The following EPB42 variants were observed in gnomAD, a reference collection of about 807,000 sequenced individuals.
EPB42 encodes the protein protein 4.2.
Under a neutral mutation model 76.9 loss-of-function variants are expected in EPB42, and 49 were observed. That is an observed-to-expected ratio of 0.64 (90% CI 0.51 to 0.81). EPB42 has a LOEUF of 0.81. EPB42 is among the 30% of genes least tolerant of loss of function. The pLI is 0.00. For missense variants in EPB42, 731 were observed against 867.6 expected, an observed-to-expected ratio of 0.84 and a Z score of 1.98; for synonymous variants, 310 against 338.4, an observed-to-expected ratio of 0.92 and a Z score of 0.92.
upstream of EPB42, among the ~76,000 whole-genome samples, chr15:43,225,546 G>T (rs910553067): frequency 3.3e-5 from 5 of 152,174 alleles, no homozygotes; most frequent in South Asian, 4.1e-4. Flanking sequence ...ACTTTCTGAG[G>T]TACCGTTAGG....
At position 43,206,295 on chromosome 15, in the gene EPB42, G is replaced by A. The variant is rs769368289; in HGVS notation, c.1618+35C>T. Reference sequence around the variant, plus strand: ...AGGCAGGGGCCATGTGTGTGTGTGTGTCGGGGGGTGTCTGGTGGGGCCATA... The same window carrying A: ...AGGCAGGGGCCATGTGTGTGTGTGTATCGGGGGGTGTCTGGTGGGGCCATA... On this transcript the variant is annotated intron_variant, in intron 10 of 12. Transcript: ENST00000441366. This position sits in a 1 kb window ranked among gnomAD's most constrained non-coding sequence, Gnocchi z 4.7. 2.5e-6 allele frequency: 4 copies of A among 1,574,760 alleles called. No homozygotes were observed. In the African/African-American group the frequency reaches 4.0e-5, roughly 16 times the overall value.
At chr15:43,221,034 G>A (rs1387247913), upstream of EPB42, 6 of 599,760 alleles carry the variant, frequency 1.0e-5, no homozygotes, top group East Asian at 3.0e-5. Flanking sequence ...CTCTCTGCTG[G>A]TATCTCCTGG....
In EPB42 at chr15:43,197,238, A is replaced by C; in HGVS notation, c.*64T>G. On this transcript the variant is annotated 3_prime_UTR_variant, in exon 13 of 13. Coordinates refer to ENST00000441366, the MANE Select transcript of EPB42 (RefSeq NM_001114134.2). Reference sequence around the variant, plus strand: ...ACTGAGACGCAAAGTTTCTCTTCCTAGCACATGTTTGGTTTAGATTGTAGA... The same window carrying C: ...ACTGAGACGCAAAGTTTCTCTTCCTCGCACATGTTTGGTTTAGATTGTAGA... The C allele has an allele frequency of 6.2e-7, 1 of 1,605,388 alleles. No homozygotes were observed. Among genetic ancestry groups the C allele is most frequent in the Non-Finnish European group, 8.5e-7 (1 of 1,172,878 alleles).
intron 8 of EPB42, 30 bp downstream of exon 8, chr15:43,208,200 C>A (rs370391500): frequency 7.5e-6 from 12 of 1,597,042 alleles, no homozygotes; most frequent in South Asian, 4.4e-5. Flanking sequence ...TGCAGCCCTG[C>A]GTGGTCCTGG....
rs775129311 is a variant in EPB42 at position 43,203,112 on chromosome 15, T to C, written c.1779+3A>G. 6.8e-6 allele frequency: 11 copies of C among 1,613,956 alleles called. No individual in the cohort carries two copies. Among genetic ancestry groups the C allele is most frequent in the Middle Eastern group, 1.6e-4 (1 of 6,068 alleles). ...GGCAACTCAGGGGAGGACTGGTGCC[T>C]ACCTTGATGGCAAGGTGTGGTCTAC... On this transcript the variant is annotated splice_donor_region_variant and intron_variant, in intron 11 of 12. Coordinates refer to ENST00000441366, the MANE Select transcript of EPB42 (RefSeq NM_001114134.2).
At position 43,197,436 on chromosome 15, in the gene EPB42, T is replaced by C. The variant is rs763741262; in HGVS notation, c.1942A>G (p.Met648Val). Residue 648 changes from methionine to valine, a missense_variant, in exon 13 of 13, where the codon ATG (methionine) becomes GTG (valine). Physicochemically the swap from Met to Val is conservative, Grantham distance 21. Coordinates refer to ENST00000441366, the MANE Select transcript of EPB42 (RefSeq NM_001114134.2). ...GGCGTGAACTGGAACTTGGCACACA[T>C]GGTGTTTTCAGGCCACACTGAACGG... ...RFRSVWPENTMCAKFQFTPTH... is the reference protein window; with the variant it reads ...RFRSVWPENTVCAKFQFTPTH... The C allele has an allele frequency of 1.2e-6, 2 of 1,614,014 alleles. No individual in the cohort carries two copies. The highest frequency in any genetic ancestry group is 1.3e-5 in the African/African-American group (1 of 74,908).
At chr15:43,205,590 G>C (rs966759609) in intron 10 of EPB42, among the ~76,000 whole-genome samples, 16 of 152,012 alleles carry the variant, frequency 1.1e-4, no homozygotes, top group Non-Finnish European at 1.0e-4. Flanking sequence ...AGTAGAGTCG[G>C]GGTTTCACCA....
At chr15:43,223,225 G>A (rs532770474), upstream of EPB42, among the ~76,000 whole-genome samples, 31 of 152,274 alleles carry the variant, frequency 2.0e-4, no homozygotes, top group Admixed American at 3.9e-4. Context: ...GCTGAGGCAG[G>A]AGAATAGCTT....
At chr15:43,221,841 AAAAAT>A (rs1346149429), upstream of EPB42, among the ~76,000 whole-genome samples, 8 of 151,746 alleles carry the variant, frequency 5.3e-5, no homozygotes, top group African/African-American at 1.9e-4. Flanking sequence ...AAAAAAAAAA[AAAAAT>A]GAAACTTCTG....
upstream of EPB42, among the ~76,000 whole-genome samples, chr15:43,222,874 C>A (rs1454465338): frequency 6.6e-6 from 1 of 152,062 alleles, no homozygotes; most frequent in African/African-American, 2.4e-5. Context: ...TTATTAAATT[C>A]TTAAAGTAAT....
At position 43,197,391 on chromosome 15, in the gene EPB42, T is replaced by C. The variant is rs781699165; in HGVS notation, c.1987A>G (p.Arg663Gly). 1 of 1,614,198 alleles carries C rather than the reference T, an allele frequency of 6.2e-7. No homozygotes were observed. Among genetic ancestry groups the C allele is most frequent in the South Asian group, 1.1e-5 (1 of 91,082 alleles). ...TTGCAGTCCACTTCCACAGTGAGTCTCTGGAGCCCCACATGTGTTGGCGTG... is the reference window on the plus strand; with the variant it reads ...TTGCAGTCCACTTCCACAGTGAGTCCCTGGAGCCCCACATGTGTTGGCGTG... Reference protein sequence around the residue: ...QFTPTHVGLQRLTVEVDCNMF... With the variant: ...QFTPTHVGLQGLTVEVDCNMF... Residue 663 changes from arginine to glycine, a missense_variant, in exon 13 of 13, where the codon AGA (arginine) becomes GGA (glycine). Physicochemically the swap from Arg to Gly is moderately radical, Grantham distance 125. Transcript: ENST00000441366.
intron 4 of EPB42, among the ~76,000 whole-genome samples, chr15:43,210,706 G>A (rs953320261): frequency 6.6e-6 from 1 of 152,082 alleles, no homozygotes; most frequent in African/African-American, 2.4e-5. Flanking sequence ...GTGAGCTCTC[G>A]GGGACCCGTG....
At chr15:43,203,982 A>G (rs1233315955) in intron 10 of EPB42, among the ~76,000 whole-genome samples, 1 of 152,180 alleles carries the variant, frequency 6.6e-6, no homozygotes, top group Non-Finnish European at 1.5e-5. Context: ...CAAGCATAGC[A>G]CTATCAATTT....
chr15:43,216,541 G>C, intron 1 of EPB42, 88 bp from the exon 2 acceptor site: 1 of 1,438,580 alleles, frequency 7.0e-7, no homozygotes, highest in African/African-American at 1.4e-5. Context: ...AGAGACCAGG[G>C]TTCTAATCCT....
Position 43,207,297 on chromosome 15 carries a change from G to T in EPB42, c.1220C>A (p.Thr407Asn), listed in dbSNP as rs886051166. 6.2e-7 allele frequency: 1 copy of T among 1,614,068 alleles called. No individual in the cohort carries two copies. The highest frequency in any genetic ancestry group is 1.7e-5 in the Admixed American group (1 of 60,000). The change falls in exon 9 of 13, where the codon ACT becomes AAT. Residue 407 changes from threonine (T) to asparagine (N), a missense_variant. Transcript: ENST00000441366. The part of the protein sequence containing the change: ...KCCEDGTLEL[T>N]DSNTKYVGNN... ...GCCAACATACTTTGTGTTGGAGTCAGTCAACTCCAGTGTCCCATCCTCACA... is the reference window on the plus strand; with the variant it reads ...GCCAACATACTTTGTGTTGGAGTCATTCAACTCCAGTGTCCCATCCTCACA...
chr15:43,197,898 T>G (rs1284671810), intron 12 of EPB42, among the ~76,000 whole-genome samples: 1 of 152,214 alleles, frequency 6.6e-6, no homozygotes, highest in Non-Finnish European at 1.5e-5. Flanking sequence ...TCCTGTGCTA[T>G]TCTCGTGATA....
chr15:43,219,742 C>T (rs543314374), intron 1 of EPB42, among the ~76,000 whole-genome samples: 6 of 152,202 alleles, frequency 3.9e-5, no homozygotes, highest in African/African-American at 1.4e-4. Flanking sequence ...GTCAAGAGAT[C>T]GAGACCATCC....
At chr15:43,208,818 C>T (rs779450688) in intron 6 of EPB42, 43 bp from the exon 7 acceptor site, 24 of 1,604,174 alleles carry the variant, frequency 1.5e-5, no homozygotes, top group South Asian at 3.3e-5. Flanking sequence ...CTTGAGAGAC[C>T]GGGCTGGGGG....
chr15:43,202,106 C>G (rs1440031144), intron 11 of EPB42, 129 bp from the exon 12 acceptor site: 4 of 1,256,914 alleles, frequency 3.2e-6, no homozygotes, highest in Non-Finnish European at 4.6e-6. Flanking sequence ...AACTTCACAG[C>G]TGATGTCTTC....
Sources: allele counts gnomAD v4.1 joint callset (sites outside exome capture counted in the v4.1 genomes callset), GRCh38; gene constraint gnomAD v4.1.1; non-coding constraint Gnocchi (gnomAD v3.1); transcripts MANE v1.5; gene names NCBI Gene and HGNC (gene_info 2026-07-23, HGNC 2026-07-21).